GRM7: variants seen among roughly 807,000 people sequenced by gnomAD.
GRM7 encodes glutamate metabotropic receptor 7, also known as metabotropic glutamate receptor 7.
Under a neutral mutation model 84.5 loss-of-function variants are expected in GRM7, and 35 were observed. That is an observed-to-expected ratio of 0.41 (90% confidence interval 0.32 to 0.55). GRM7 has a LOEUF of 0.55. Ranked by LOEUF, GRM7 falls within the 20% of genes least tolerant of loss-of-function variation. GRM7 has a pLI of 0.19. For missense variants in GRM7, 1,003 were observed against 1,194.6 expected (o/e 0.84, Z 2.36); for synonymous variants, 487 against 455.1 (o/e 1.07, Z -0.89).
chr3:7,426,766 A>C (rs373116978), intron 5 of GRM7, among the ~76,000 whole-genome samples: 17 of 152,284 alleles, frequency 1.1e-4, no homozygotes, highest in African/African-American at 3.8e-4. Context: ...CCCCAGCCCT[A>C]GGCCAGTATC....
In GRM7 at chr3:7,204,772, CT is replaced by C. The variant is rs1309133391; in HGVS notation, c.736+58105del. ...AAGTGGGAAAATACCGGATCCAGTA[CT>C]GCATTAATTTGTAGAGCAATTTTTT... On this transcript the variant is annotated intron_variant, in intron 2 of 9. Coordinates refer to ENST00000357716, the MANE Select transcript of GRM7 (RefSeq NM_000844.4). 3.3e-5 allele frequency among the ~76,000 whole-genome samples: 5 copies of C among 152,214 alleles called. No individual in the cohort carries two copies. In the East Asian group the frequency reaches 9.6e-4, roughly 29 times the overall value.
chr3:7,581,364 TTTTC>T (rs1392881971), intron 8 of GRM7, among the ~76,000 whole-genome samples: 2 of 152,314 alleles, frequency 1.3e-5, no homozygotes, highest in South Asian at 2.1e-4. Context: ...AGGCACGTAA[TTTTC>T]TTTGTGTATT....
chr3:7,609,085 T>A (rs1017624846), intron 8 of GRM7, among the ~76,000 whole-genome samples: 1 of 152,186 alleles, frequency 6.6e-6, no homozygotes, highest in Non-Finnish European at 1.5e-5. Flanking sequence ...TGCCTGTTTT[T>A]GTACCAGTAT....
At chr3:7,613,170 G>A (rs1696923765) in intron 8 of GRM7, among the ~76,000 whole-genome samples, 1 of 152,016 alleles carries the variant, frequency 6.6e-6, no homozygotes, top group Non-Finnish European at 1.5e-5. Context: ...AGTCTCAATG[G>A]ACATGAATTT....
intron 2 of GRM7, among the ~76,000 whole-genome samples, chr3:7,202,363 C>T (rs1696095500): frequency 6.6e-6 from 1 of 152,124 alleles, no homozygotes; most frequent in Non-Finnish European, 1.5e-5. Context: ...CAGAGTCTCA[C>T]TCTGTTGCCC....
chr3:6,986,530 T>C (rs990377219), intron 1 of GRM7, among the ~76,000 whole-genome samples: 3 of 152,274 alleles, frequency 2.0e-5, no homozygotes, highest in African/African-American at 7.2e-5. Flanking sequence ...ATGTTCACTC[T>C]GTTAATGCTC....
intron 8 of GRM7, among the ~76,000 whole-genome samples, chr3:7,661,072 C>G (rs182149619): frequency 6.6e-6 from 1 of 152,084 alleles, no homozygotes; most frequent in Non-Finnish European, 1.5e-5. Context: ...GGTATCATGC[C>G]GAACACACAA....
intron 4 of GRM7, among the ~76,000 whole-genome samples, chr3:7,396,731 C>T (rs948400991): frequency 6.6e-6 from 1 of 152,018 alleles, no homozygotes; most frequent in Non-Finnish European, 1.5e-5. Flanking sequence ...AATGCATAAA[C>T]CCTCTTTGTG....
At chr3:7,019,097 C>T (rs1409917599) in intron 1 of GRM7, among the ~76,000 whole-genome samples, 1 of 152,080 alleles carries the variant, frequency 6.6e-6, no homozygotes, top group African/African-American at 2.4e-5. Flanking sequence ...GACTCCATCT[C>T]AGAAAAAAAT....
chr3:7,347,188 G>A (rs552819677), intron 4 of GRM7, among the ~76,000 whole-genome samples: 1 of 152,214 alleles, frequency 6.6e-6, no homozygotes, highest in East Asian at 1.9e-4. Flanking sequence ...TAGAGAGAAA[G>A]ATGGCTCCGA....
intron 4 of GRM7, among the ~76,000 whole-genome samples, chr3:7,358,763 T>C (rs1207867537): frequency 6.6e-6 from 1 of 152,118 alleles, no homozygotes; most frequent in Non-Finnish European, 1.5e-5. Context: ...ACTGCCCCTT[T>C]TCATAATTTA....
intron 1 of GRM7, among the ~76,000 whole-genome samples, chr3:6,934,111 T>C (rs1456430715): frequency 6.6e-6 from 1 of 152,130 alleles, no homozygotes; most frequent in African/African-American, 2.4e-5. Flanking sequence ...GTCCATTCAA[T>C]AAAACCAGGG....
chr3:7,081,539 G>C (rs927620848), intron 1 of GRM7, among the ~76,000 whole-genome samples: 2 of 151,992 alleles, frequency 1.3e-5, no homozygotes, highest in Non-Finnish European at 2.9e-5. Context: ...AGAGAGACCA[G>C]TTAATAACCC....
At position 6,956,534 on chromosome 3, in the gene GRM7, A is replaced by T. The variant is rs1282531481; in HGVS notation, c.519+94627A>T. Reference sequence around the variant, plus strand: ...AGAAAACCAGAGAGATTTCTGTGGCATATTTTCCACACTCTCTCTTCTGTT... The same window carrying T: ...AGAAAACCAGAGAGATTTCTGTGGCTTATTTTCCACACTCTCTCTTCTGTT... On this transcript the variant is annotated intron_variant, in intron 1 of 9. Coordinates refer to ENST00000357716, the MANE Select transcript of GRM7 (RefSeq NM_000844.4). 6.6e-6 allele frequency: 3 copies of T among 455,408 alleles called. No homozygotes were observed. In the East Asian group the frequency reaches 2.1e-4, roughly 32 times the overall value. 28.2% of individuals were successfully genotyped at this position (455,408 alleles called of 1,614,324 possible). A position where few individuals can be genotyped will look rare whatever the true frequency, so the allele number is the denominator to read the frequency against.
At chr3:7,547,500 G>C (rs1242050330) in intron 7 of GRM7, among the ~76,000 whole-genome samples, 2 of 152,072 alleles carry the variant, frequency 1.3e-5, no homozygotes, top group African/African-American at 4.8e-5. Flanking sequence ...GCCACCGCAA[G>C]GCCAAGAGTG....
intron 8 of GRM7, among the ~76,000 whole-genome samples, chr3:7,605,221 A>C (rs1398824815): frequency 4.6e-5 from 7 of 152,180 alleles, no homozygotes; most frequent in Admixed American, 2.6e-4. Context: ...GAAGAGTCAC[A>C]GAAAAACAAA....
In GRM7 at chr3:7,151,415, CAACA is replaced by C. The variant is rs769071807; in HGVS notation, c.736+4764_736+4767del. 2.0e-5 allele frequency among the ~76,000 whole-genome samples: 3 copies of C among 151,952 alleles called. No homozygotes were observed. Among genetic ancestry groups the C allele is most frequent in the African/African-American group, 7.3e-5 (3 of 41,372 alleles). On this transcript the variant is annotated intron_variant, in intron 2 of 9. Transcript: ENST00000357716. This position sits in a 1 kb window ranked among gnomAD's most constrained non-coding sequence, Gnocchi z 4.5. ...GAGCAAGACTCTGTCTCAAAACAAA[CAACA>C]AACAAACAAACAAACATACAAACAA...
chr3:6,910,390 C>G (rs191046729), intron 1 of GRM7, among the ~76,000 whole-genome samples: 1 of 152,236 alleles, frequency 6.6e-6, no homozygotes, highest in East Asian at 1.9e-4. Context: ...TTCAAGTAGT[C>G]AATCAGGAAC....
Position 6,974,674 on chromosome 3 carries a change from G to C in GRM7, c.519+112767G>C, listed in dbSNP as rs537313708. Reference sequence around the variant, plus strand: ...TCAACTGTGTTAAGAGCTGCTGCCTGATGGGGTAAGATAAGGACCGAGGAT... The same window carrying C: ...TCAACTGTGTTAAGAGCTGCTGCCTCATGGGGTAAGATAAGGACCGAGGAT... On this transcript the variant is annotated intron_variant, in intron 1 of 9. Transcript: ENST00000357716. 5.6e-4 allele frequency among the ~76,000 whole-genome samples: 85 copies of C among 152,304 alleles called. 2 individuals carry two copies. The South Asian group carries it at 6.8e-3, about 12-fold the overall frequency.
Sources: allele counts gnomAD v4.1 joint callset (sites outside exome capture counted in the v4.1 genomes callset), GRCh38; gene constraint gnomAD v4.1.1; non-coding constraint Gnocchi (gnomAD v3.1); transcripts MANE v1.5; gene names NCBI Gene and HGNC (gene_info 2026-07-23, HGNC 2026-07-21).